LDB2: variants seen among roughly 807,000 people sequenced by gnomAD.
The protein encoded by LDB2 is LIM domain binding 2.
Under a neutral mutation model 44.3 loss-of-function variants are expected in LDB2, and 12 were observed. The observed-to-expected ratio is 0.27, with a 90% CI of 0.17 to 0.44. The LOEUF is 0.44. LDB2 is among the 20% of genes least tolerant of loss of function. LDB2 has a pLI of 1.00. For missense variants in LDB2, 344 were observed against 473.5 expected (o/e 0.73, Z 2.54); for synonymous variants, 164 against 174.8 (o/e 0.94, Z 0.49).
At chr4:16,733,456 G>T (rs934105071) in intron 2 of LDB2, among the ~76,000 whole-genome samples, 3 of 152,232 alleles carry the variant, frequency 2.0e-5, no homozygotes, top group Middle Eastern at 3.4e-3. Flanking sequence ...TGACCAAAAA[G>T]TGTGCACAAA....
chr4:16,606,092 G>A (rs982556520), intron 2 of LDB2, among the ~76,000 whole-genome samples: 2 of 152,030 alleles, frequency 1.3e-5, no homozygotes, highest in Non-Finnish European at 2.9e-5. Context: ...ATGTTCCCTA[G>A]CCTTTAGATT....
chr4:16,741,715 C>A (rs146788163), intron 2 of LDB2, among the ~76,000 whole-genome samples: 32 of 152,340 alleles, frequency 2.1e-4, no homozygotes, highest in African/African-American at 7.7e-4. Context: ...TGACTCCCCT[C>A]TACACACCCC....
chr4:16,605,761 G>A (rs879311314), intron 2 of LDB2, among the ~76,000 whole-genome samples: 1 of 152,158 alleles, frequency 6.6e-6, no homozygotes, highest in East Asian at 1.9e-4. Context: ...CTGACATCCA[G>A]ACACTGAAGA....
intron 5 of LDB2, among the ~76,000 whole-genome samples, chr4:16,570,353 C>T (rs1241957496): frequency 2.0e-5 from 3 of 150,058 alleles, no homozygotes; most frequent in Non-Finnish European, 4.4e-5. Context: ...GTTCCAGCTA[C>T]TGGGGAGGCT....
chr4:16,602,482 G>A (rs908519363), intron 2 of LDB2, among the ~76,000 whole-genome samples: 13 of 152,088 alleles, frequency 8.5e-5, no homozygotes, highest in African/African-American at 3.1e-4. Flanking sequence ...ATAGAGATGA[G>A]GTCACAGAAA....
At chr4:16,656,165 G>A (rs1739800243) in intron 2 of LDB2, among the ~76,000 whole-genome samples, 1 of 152,184 alleles carries the variant, frequency 6.6e-6, no homozygotes, top group Non-Finnish European at 1.5e-5. Context: ...CTCCCAAAGT[G>A]CTGGGATTAC....
intron 5 of LDB2, among the ~76,000 whole-genome samples, chr4:16,530,406 A>G (rs887516882): frequency 2.6e-5 from 4 of 151,602 alleles, no homozygotes; most frequent in South Asian, 2.1e-4. Flanking sequence ...TAACTCTCCT[A>G]TGACATTCAG....
At chr4:16,742,227 A>T (rs1763436853) in intron 2 of LDB2, among the ~76,000 whole-genome samples, 1 of 151,620 alleles carries the variant, frequency 6.6e-6, no homozygotes, top group Non-Finnish European at 1.5e-5. Context: ...ATGTGCCACC[A>T]CACCCAATTA....
intron 5 of LDB2, among the ~76,000 whole-genome samples, chr4:16,567,347 G>A (rs996944311): frequency 6.6e-6 from 1 of 151,986 alleles, no homozygotes; most frequent in African/African-American, 2.4e-5. Context: ...ACTGCTCAAC[G>A]GTTAGCACTG....
At chr4:16,663,893 C>G (rs1338685463) in intron 2 of LDB2, among the ~76,000 whole-genome samples, 1 of 152,172 alleles carries the variant, frequency 6.6e-6, no homozygotes, top group Non-Finnish European at 1.5e-5. Context: ...ACAATTTCCT[C>G]TAGTGACAGC....
At chr4:16,517,126 C>T (rs1274650696) in intron 5 of LDB2, among the ~76,000 whole-genome samples, 3 of 152,118 alleles carry the variant, frequency 2.0e-5, no homozygotes, top group Admixed American at 1.3e-4. Context: ...TAGTCAAATC[C>T]GTTGGGAGCT....
intron 1 of LDB2, among the ~76,000 whole-genome samples, chr4:16,825,744 T>C (rs1450969144): frequency 6.6e-6 from 1 of 152,110 alleles, no homozygotes; most frequent in African/African-American, 2.4e-5. Context: ...TTCTGGGCAA[T>C]GGGCTTCACT....
intron 2 of LDB2, among the ~76,000 whole-genome samples, chr4:16,707,086 T>C (rs1383439548): frequency 6.6e-6 from 1 of 152,156 alleles, no homozygotes; most frequent in Non-Finnish European, 1.5e-5. Flanking sequence ...TCAGTAAAAT[T>C]AATAATAATC....
At chr4:16,710,683 A>T (rs1027689093) in intron 2 of LDB2, among the ~76,000 whole-genome samples, 6 of 152,222 alleles carry the variant, frequency 3.9e-5, no homozygotes, top group Admixed American at 3.9e-4. Context: ...GTCTCTAAGG[A>T]TATGAATTTG....
At chr4:16,711,407 C>G (rs1292203989) in intron 2 of LDB2, among the ~76,000 whole-genome samples, 1 of 152,128 alleles carries the variant, frequency 6.6e-6, no homozygotes, top group African/African-American at 2.4e-5. Context: ...TTGGGTAGCT[C>G]AGTCATGCTG....
chr4:16,588,908 A>G, intron 3 of LDB2, 76 bp from the exon 4 acceptor site: 1 of 1,537,406 alleles, frequency 6.5e-7, no homozygotes, highest in Non-Finnish European at 8.9e-7. Flanking sequence ...ATAGCCACTC[A>G]GCGTGGTCTC....
intron 5 of LDB2, among the ~76,000 whole-genome samples, chr4:16,578,413 C>G (rs1712746361): frequency 6.6e-6 from 1 of 152,112 alleles, no homozygotes; most frequent in Non-Finnish European, 1.5e-5. Flanking sequence ...AGACATTTCA[C>G]AAAAAGAGAC....
intron 1 of LDB2, among the ~76,000 whole-genome samples, chr4:16,772,916 G>C (rs1462128216): frequency 6.6e-6 from 1 of 152,230 alleles, no homozygotes; most frequent in Non-Finnish European, 1.5e-5. Flanking sequence ...AAACAGAACA[G>C]TGGGACAGAA....
In LDB2 at chr4:16,817,790, G is replaced by A. The variant is rs148223560; in HGVS notation, c.133-58530C>T. On this transcript the variant is annotated intron_variant, in intron 1 of 7. Coordinates refer to ENST00000304523, the MANE Select transcript of LDB2 (RefSeq NM_001290.5). ...CTGAGGTATAAATCAATTAAGTATC[G>A]AGCGCAAGGAGTCAATCAAGTGAGT... 6.6e-5 allele frequency among the ~76,000 whole-genome samples: 10 copies of A among 152,104 alleles called. No homozygotes were observed. In the East Asian group the frequency reaches 1.5e-3, roughly 24 times the overall value.
Sources: allele counts gnomAD v4.1 joint callset (sites outside exome capture counted in the v4.1 genomes callset), GRCh38; gene constraint gnomAD v4.1.1; transcripts MANE v1.5; gene names NCBI Gene and HGNC (gene_info 2026-07-23, HGNC 2026-07-21).